Variants in GPC6 observed in about 807,000 individuals in gnomAD.
GPC6 encodes glypican-6.
GPC6 carries 14 observed loss-of-function variants against 55.2 expected under a neutral mutation model. That is an observed-to-expected ratio of 0.25 (90% confidence interval 0.17 to 0.40). GPC6 has a LOEUF of 0.40. Ranked by LOEUF, GPC6 falls within the 10% of genes least tolerant of loss-of-function variation. GPC6 has a pLI of 1.00. For missense variants in GPC6, 641 were observed against 708.5 expected (o/e 0.90, Z 1.08); for synonymous variants, 278 against 259.6 (o/e 1.07, Z -0.68).
chr13:93,880,101 C>G (rs12560789), intron 3 of GPC6, among the ~76,000 whole-genome samples: 35,246 of 151,296 alleles, frequency 0.23, 4,627 homozygotes, highest in East Asian at 0.34. Flanking sequence ...ATAGGAACAC[C>G]TTTACCCTGT....
chr13:94,339,775 T>C (rs1877931196), intron 6 of GPC6, among the ~76,000 whole-genome samples: 1 of 143,912 alleles, frequency 6.9e-6, no homozygotes, highest in Non-Finnish European at 1.5e-5. Flanking sequence ...TTTTTTTTTT[T>C]TTTTTGAGAC....
Position 93,679,828 on chromosome 13 carries a change from CA to C in GPC6, c.319+134419del, listed in dbSNP as rs11457336. 2.5e-3 allele frequency among the ~76,000 whole-genome samples: 363 copies of C among 146,148 alleles called. 4 individuals carry two copies. Among genetic ancestry groups the C allele is most frequent in the African/African-American group, 8.0e-3 (318 of 39,806 alleles). On this transcript the variant is annotated intron_variant, in intron 2 of 8. Transcript: ENST00000377047. ...AATTTATTGTGCTAGGTGTTATGAG[CA>C]AAAAAAAAAAATGAACAAAGCAGTC... is the stretch of plus-strand genomic sequence containing the variant.
chr13:94,328,837 G>T (rs4773786), intron 6 of GPC6, among the ~76,000 whole-genome samples: 1 of 152,078 alleles, frequency 6.6e-6, no homozygotes, highest in Non-Finnish European at 1.5e-5. Context: ...TGTGACCTTC[G>T]ACAGGTCACT....
chr13:93,739,046 C>CAGATATG (rs1884107446), intron 2 of GPC6, among the ~76,000 whole-genome samples: 1 of 151,746 alleles, frequency 6.6e-6, no homozygotes, highest in Non-Finnish European at 1.5e-5. Flanking sequence ...ATACAGAGGT[C>CAGATATG]AGATATGAGA....
At chr13:93,513,035 G>T (rs931446703) in intron 1 of GPC6, among the ~76,000 whole-genome samples, 15 of 152,138 alleles carry the variant, frequency 9.9e-5, no homozygotes, top group Non-Finnish European at 2.1e-4. Flanking sequence ...ATGCTAGGAG[G>T]ACTTGACTTT....
chr13:94,320,151 ATTAT>A (rs1048630652), intron 6 of GPC6, among the ~76,000 whole-genome samples: 2 of 152,168 alleles, frequency 1.3e-5, no homozygotes, highest in African/African-American at 4.8e-5. Flanking sequence ...AGCTAATTAA[ATTAT>A]TTTATTTGGC....
At chr13:93,235,264 T>C (rs1566535134) in intron 1 of GPC6, among the ~76,000 whole-genome samples, 2 of 151,836 alleles carry the variant, frequency 1.3e-5, no homozygotes, top group Non-Finnish European at 2.9e-5. Flanking sequence ...AGTTAGGGAG[T>C]AATTAAATAT....
At chr13:93,542,422 T>C (rs1375844532) in intron 1 of GPC6, among the ~76,000 whole-genome samples, 1 of 152,218 alleles carries the variant, frequency 6.6e-6, no homozygotes, top group Non-Finnish European at 1.5e-5. Context: ...TTTTGGTTAC[T>C]GTAGCCTTGT....
intron 2 of GPC6, among the ~76,000 whole-genome samples, chr13:93,765,984 A>C (rs192873395): frequency 1.2e-4 from 19 of 152,344 alleles, no homozygotes; most frequent in Non-Finnish European, 7.3e-5. Flanking sequence ...CAAATGAGCC[A>C]TAAGTTTCAA....
intron 2 of GPC6, among the ~76,000 whole-genome samples, chr13:93,554,158 AGAGAG>A (rs1875327097): frequency 7.5e-6 from 1 of 133,760 alleles, no homozygotes; most frequent in South Asian, 2.4e-4. Flanking sequence ...AAAAAAAAAA[AGAGAG>A]AGAGAGAGCT....
chr13:93,505,382 T>G (rs1331827192), intron 1 of GPC6, among the ~76,000 whole-genome samples: 2 of 152,086 alleles, frequency 1.3e-5, no homozygotes, highest in Non-Finnish European at 2.9e-5. Flanking sequence ...ACATCCTTGT[T>G]TTATGTGTGT....
rs78108217 is a variant in GPC6 at position 94,296,588 on chromosome 13, C to T, written c.1009-9392C>T. Among the ~76,000 whole-genome samples the T allele has an allele frequency of 6.0e-3, 912 of 152,342 alleles. 6 individuals are homozygous for T. Among genetic ancestry groups the T allele is most frequent in the African/African-American group, 0.016 (661 of 41,582 alleles). On this transcript the variant is annotated intron_variant, in intron 5 of 8. Coordinates refer to ENST00000377047, the MANE Select transcript of GPC6 (RefSeq NM_005708.5). ...TACACCTCCTTATCCCAGCTCTCAG[C>T]ACTTCCCTTCTGTGTGGTGATATGC...
At chr13:93,816,559 C>T (rs1168400335) in intron 2 of GPC6, among the ~76,000 whole-genome samples, 1 of 151,048 alleles carries the variant, frequency 6.6e-6, no homozygotes, top group Non-Finnish European at 1.5e-5. Context: ...TTGGATTCTC[C>T]ATGGTAGAAT....
intron 3 of GPC6, among the ~76,000 whole-genome samples, chr13:93,997,159 T>G (rs1301334438): frequency 6.6e-6 from 1 of 152,204 alleles, no homozygotes; most frequent in Non-Finnish European, 1.5e-5. Context: ...GTAACATCTT[T>G]TACCAGTAGG....
At chr13:93,443,405 G>T (rs1225560618) in intron 1 of GPC6, among the ~76,000 whole-genome samples, 2 of 152,134 alleles carry the variant, frequency 1.3e-5, no homozygotes, top group Non-Finnish European at 2.9e-5. Context: ...ATGTTAACTG[G>T]ATTGATTAGG....
intron 2 of GPC6, among the ~76,000 whole-genome samples, chr13:93,709,959 T>G (rs924525511): frequency 5.9e-5 from 9 of 151,754 alleles, no homozygotes; most frequent in Admixed American, 3.9e-4. Flanking sequence ...TAAAAGCACA[T>G]TCAGAAAGGC....
chr13:94,218,058 T>A (rs191689427), intron 4 of GPC6, among the ~76,000 whole-genome samples: 72 of 152,326 alleles, frequency 4.7e-4, no homozygotes, highest in Middle Eastern at 3.4e-3. Context: ...ATTTTAACTC[T>A]GATTTGTATT....
intron 2 of GPC6, among the ~76,000 whole-genome samples, chr13:93,805,510 A>T (rs1404268892): frequency 6.6e-6 from 1 of 152,154 alleles, no homozygotes; most frequent in Non-Finnish European, 1.5e-5. Flanking sequence ...CTTTTCAGAG[A>T]ATGTTTCATT....
At chr13:93,621,179 G>C (rs1403618106) in intron 2 of GPC6, among the ~76,000 whole-genome samples, 1 of 152,174 alleles carries the variant, frequency 6.6e-6, no homozygotes, top group Non-Finnish European at 1.5e-5. Context: ...CAGGTTGCCA[G>C]AGCCCTCAAG....
Sources: allele counts gnomAD v4.1 joint callset (sites outside exome capture counted in the v4.1 genomes callset), GRCh38; gene constraint gnomAD v4.1.1; transcripts MANE v1.5; gene names NCBI Gene and HGNC (gene_info 2026-07-23, HGNC 2026-07-21).